The following JAZF1 variants were observed in gnomAD, a reference collection of about 807,000 sequenced individuals.
JAZF1 encodes juxtaposed with another zinc finger protein 1.
A neutral mutation model predicts 26.4 loss-of-function variants in JAZF1; 8 were observed. The observed-to-expected ratio is 0.30, with a 90% CI of 0.18 to 0.55. JAZF1 has a LOEUF of 0.55. Among genes scored for constraint, JAZF1 ranks in the 20% least tolerant of loss-of-function variants. JAZF1 has a pLI of 0.94. For missense variants in JAZF1, 199 were observed against 322.0 expected, an observed-to-expected ratio of 0.62 and a Z score of 2.92; for synonymous variants, 126 against 122.3, an observed-to-expected ratio of 1.03 and a Z score of -0.20.
At chr7:27,910,000 G>A (rs946158032) in intron 2 of JAZF1, among the ~76,000 whole-genome samples, 10 of 152,194 alleles carry the variant, frequency 6.6e-5, no homozygotes, top group East Asian at 3.8e-4. Context: ...CAGCATAACC[G>A]CAGGGACACA....
intron 2 of JAZF1, among the ~76,000 whole-genome samples, chr7:27,972,160 T>C (rs1186062808): frequency 6.6e-6 from 1 of 152,152 alleles, no homozygotes. Context: ...ACATAAACTG[T>C]GATTTCAAGC....
chr7:28,091,558 TAAAC>T (rs1298097254), intron 1 of JAZF1, among the ~76,000 whole-genome samples: 1 of 150,532 alleles, frequency 6.6e-6, no homozygotes, highest in African/African-American at 2.4e-5. Context: ...CTAACCTGAA[TAAAC>T]AAAGTCCTGA....
intron 1 of JAZF1, among the ~76,000 whole-genome samples, chr7:28,085,635 T>A (rs1456510226): frequency 6.6e-6 from 1 of 152,166 alleles, no homozygotes; most frequent in Non-Finnish European, 1.5e-5. Context: ...AGTGTTGACA[T>A]CATGTTAACT....
chr7:28,132,967 T>A (rs917115), intron 1 of JAZF1, among the ~76,000 whole-genome samples: 1 of 151,914 alleles, frequency 6.6e-6, no homozygotes, highest in East Asian at 1.9e-4. Context: ...AGAATTTGTG[T>A]ATGGAAGAAA....
intron 3 of JAZF1, among the ~76,000 whole-genome samples, chr7:27,877,063 C>T (rs1783691848): frequency 6.6e-6 from 1 of 152,210 alleles, no homozygotes; most frequent in African/African-American, 2.4e-5. Context: ...TTCAGAAGGG[C>T]AGGCTACCGA....
At position 28,067,480 on chromosome 7, in the gene JAZF1, G is replaced by A. The variant is rs563264118; in HGVS notation, c.116-75499C>T. Among the ~76,000 whole-genome samples the A allele has an allele frequency of 1.2e-4, 19 of 152,286 alleles. No individual in the cohort carries two copies. In the East Asian group the frequency reaches 1.7e-3, roughly 14 times the overall value. ...CCACACAGCACAGCCAAAGCCCTGT[G>A]AGAATCAATGCCAAGGCTTCAGCCA... On this transcript the variant is annotated intron_variant, in intron 1 of 4. Coordinates refer to ENST00000283928, the MANE Select transcript of JAZF1 (RefSeq NM_175061.4).
chr7:28,019,582 T>C (rs1782968419), intron 1 of JAZF1, among the ~76,000 whole-genome samples: 1 of 152,088 alleles, frequency 6.6e-6, no homozygotes, highest in Admixed American at 6.5e-5. Context: ...TACCATCCTC[T>C]GATTGATTTA....
intron 2 of JAZF1, among the ~76,000 whole-genome samples, chr7:27,962,008 T>C (rs966517528): frequency 2.6e-5 from 4 of 152,194 alleles, no homozygotes; most frequent in Non-Finnish European, 4.4e-5. Context: ...TCTGTTACCT[T>C]ATCTATAAAA....
chr7:27,887,782 G>A (rs764353051), intron 3 of JAZF1, among the ~76,000 whole-genome samples: 2 of 152,128 alleles, frequency 1.3e-5, no homozygotes, highest in Admixed American at 6.5e-5. Flanking sequence ...AAGTGGTATA[G>A]CTGTGGAAAA....
At chr7:27,904,740 G>GA (rs34043865) in intron 2 of JAZF1, among the ~76,000 whole-genome samples, 7 of 151,544 alleles carry the variant, frequency 4.6e-5, no homozygotes, top group Admixed American at 2.6e-4. Flanking sequence ...GCAGCACCAG[G>GA]AAAAAAAACC....
At chr7:28,115,136 C>G (rs1391359194) in intron 1 of JAZF1, among the ~76,000 whole-genome samples, 1 of 152,116 alleles carries the variant, frequency 6.6e-6, no homozygotes, top group Non-Finnish European at 1.5e-5. Context: ...GACATGCTGA[C>G]TGTGGATAGG....
At chr7:28,152,417 C>A (rs1454256711) in intron 1 of JAZF1, among the ~76,000 whole-genome samples, 1 of 152,140 alleles carries the variant, frequency 6.6e-6, no homozygotes, top group East Asian at 1.9e-4. Flanking sequence ...AGTAAGCTGG[C>A]CCTCTGACCC....
intron 2 of JAZF1, among the ~76,000 whole-genome samples, chr7:27,956,752 T>C (rs761228167): frequency 6.6e-6 from 1 of 152,126 alleles, no homozygotes; most frequent in Non-Finnish European, 1.5e-5. Context: ...AAACCTCACC[T>C]CACAGTTCTG....
At chr7:28,123,551 C>T (rs1466017550) in intron 1 of JAZF1, among the ~76,000 whole-genome samples, 3 of 152,232 alleles carry the variant, frequency 2.0e-5, no homozygotes, top group South Asian at 4.1e-4. Flanking sequence ...GCTGAATGAA[C>T]GAATGACCTT....
intron 2 of JAZF1, among the ~76,000 whole-genome samples, chr7:27,927,547 G>A (rs141351006): frequency 0.019 from 2,826 of 152,182 alleles, 91 homozygotes; most frequent in African/African-American, 0.063. Flanking sequence ...TTATAGTTGT[G>A]TCTGGTATAT....
intron 3 of JAZF1, chr7:27,843,144 A>T (rs1782954897): frequency 6.6e-6 from 1 of 152,118 alleles, no homozygotes; most frequent in Admixed American, 6.5e-5. Flanking sequence ...GTAAGTTGGA[A>T]CTATCCCAGG....
chr7:28,107,853 A>C (rs957334903), intron 1 of JAZF1, among the ~76,000 whole-genome samples: 1 of 152,244 alleles, frequency 6.6e-6, no homozygotes, highest in Non-Finnish European at 1.5e-5. Flanking sequence ...GCATTTTCAC[A>C]GAGATGACTT....
intron 2 of JAZF1, among the ~76,000 whole-genome samples, chr7:27,905,931 ATTACT>A (rs548423094): frequency 2.0e-5 from 3 of 152,320 alleles, no homozygotes; most frequent in African/African-American, 7.2e-5. Flanking sequence ...TCATGTTATC[ATTACT>A]TTATACTTGC....
chr7:27,869,948 G>A (rs930520859), intron 3 of JAZF1, among the ~76,000 whole-genome samples: 3 of 152,048 alleles, frequency 2.0e-5, no homozygotes, highest in Non-Finnish European at 4.4e-5. Context: ...TTGCTCTGTC[G>A]CCCAGGCTAG....
Sources: allele counts gnomAD v4.1 joint callset (sites outside exome capture counted in the v4.1 genomes callset), GRCh38; gene constraint gnomAD v4.1.1; transcripts MANE v1.5; gene names NCBI Gene and HGNC (gene_info 2026-07-23, HGNC 2026-07-21).